The following ARMC9 variants were observed in gnomAD, a reference collection of about 807,000 sequenced individuals.
ARMC9 encodes armadillo repeat containing 9.
A neutral mutation model predicts 107.0 loss-of-function variants in ARMC9; 94 were observed. That is an observed-to-expected ratio of 0.88 (90% CI 0.74 to 1.04). ARMC9 has a LOEUF of 1.04. Ranked by LOEUF, ARMC9 falls within the 50% of genes least tolerant of loss-of-function variation. The pLI is 0.00. For synonymous variants in ARMC9, 380 were observed against 396.9 expected (o/e 0.96, Z 0.51); for missense variants, 942 against 1,030.1 (o/e 0.91, Z 1.17).
At chr2:231,206,364 A>G (rs1156987524) in intron 2 of ARMC9, 75 bp downstream of exon 2, 17 of 1,190,400 alleles carry the variant, frequency 1.4e-5, no homozygotes, top group Non-Finnish European at 2.1e-5. Context: ...GCAACAAACT[A>G]TTTAGTGCCT....
intron 7 of ARMC9, 114 bp downstream of exon 7, chr2:231,226,912 ATAT>A: frequency 7.9e-7 from 1 of 1,272,906 alleles, no homozygotes; most frequent in Non-Finnish European, 1.1e-6. Flanking sequence ...AAGAGTCTAA[ATAT>A]TTATGAAAGG....
intron 9 of ARMC9, among the ~76,000 whole-genome samples, chr2:231,245,670 A>G (rs1226832145): frequency 2.0e-5 from 3 of 152,178 alleles, no homozygotes; most frequent in African/African-American, 7.2e-5. Context: ...ACTTGTGTGT[A>G]TATTTTCTTT....
intron 9 of ARMC9, among the ~76,000 whole-genome samples, chr2:231,245,634 C>T (rs539115723): frequency 1.8e-3 from 275 of 152,328 alleles, no homozygotes; most frequent in Middle Eastern, 0.01. Flanking sequence ...CCTTCTAGAG[C>T]CTTGAAGTAT....
intron 12 of ARMC9, among the ~76,000 whole-genome samples, chr2:231,269,536 C>T (rs1449138128): frequency 6.6e-6 from 1 of 151,472 alleles, no homozygotes; most frequent in East Asian, 2.0e-4. Context: ...CAGGTGTGTG[C>T]CACCACGCCT....
intron 21 of ARMC9, among the ~76,000 whole-genome samples, chr2:231,354,263 T>TAAA (rs759691541): frequency 7.0e-5 from 7 of 100,440 alleles, no homozygotes; most frequent in African/African-American, 1.9e-4. Context: ...CATCTCCATT[T>TAAA]AAAAAAAAAA....
intron 19 of ARMC9, among the ~76,000 whole-genome samples, chr2:231,321,706 C>T (rs2043003226): frequency 6.6e-6 from 1 of 152,038 alleles, no homozygotes; most frequent in African/African-American, 2.4e-5. Flanking sequence ...TGAGCACACT[C>T]TTAGGATCCT....
intron 13 of ARMC9, 21 bp downstream of exon 13, chr2:231,271,093 C>T (rs754306767): frequency 6.2e-7 from 1 of 1,611,626 alleles, no homozygotes; most frequent in African/African-American, 1.3e-5. Context: ...AGCTTTGCTT[C>T]AAAGATAAGA....
intron 21 of ARMC9, among the ~76,000 whole-genome samples, chr2:231,346,389 C>T (rs1215214234): frequency 1.3e-5 from 2 of 152,052 alleles, no homozygotes; most frequent in Non-Finnish European, 2.9e-5. Context: ...AGCATGGTGG[C>T]GGGCACCTGT....
chr2:231,305,658 T>TC (rs1411292627), intron 19 of ARMC9, among the ~76,000 whole-genome samples: 1 of 152,202 alleles, frequency 6.6e-6, no homozygotes, highest in Non-Finnish European at 1.5e-5. Flanking sequence ...CGTGTGTGTT[T>TC]CTCTAGCGAA....
chr2:231,277,670 C>G (rs553000851), intron 15 of ARMC9, among the ~76,000 whole-genome samples: 1 of 150,802 alleles, frequency 6.6e-6, no homozygotes, highest in East Asian at 2.0e-4. Context: ...TCAAGCGATT[C>G]TCCTGCCTCA....
intron 3 of ARMC9, among the ~76,000 whole-genome samples, chr2:231,211,805 G>A (rs2032901866): frequency 1.3e-5 from 2 of 151,992 alleles, no homozygotes; most frequent in South Asian, 4.2e-4. Flanking sequence ...CATTTTGATG[G>A]GTTTGAAGTG....
chr2:231,209,216 TATAAAAA>T (rs1381891173), intron 3 of ARMC9, among the ~76,000 whole-genome samples: 2 of 152,022 alleles, frequency 1.3e-5, no homozygotes, highest in Non-Finnish European at 2.9e-5. Context: ...ACCTCGTTTC[TATAAAAA>T]ATAAAAAATT....
At chr2:231,244,854 G>A (rs896733112) in intron 9 of ARMC9, among the ~76,000 whole-genome samples, 1 of 152,276 alleles carries the variant, frequency 6.6e-6, no homozygotes. Context: ...TCTGCCCAAA[G>A]CAGAAGAGGA....
intron 8 of ARMC9, among the ~76,000 whole-genome samples, chr2:231,238,970 C>T (rs1365162338): frequency 6.6e-6 from 1 of 152,194 alleles, no homozygotes; most frequent in Non-Finnish European, 1.5e-5. Context: ...GATGGCCTTC[C>T]TCCCATGCAA....
chr2:231,241,198 CA>C (rs5839393), intron 9 of ARMC9, among the ~76,000 whole-genome samples: 28,247 of 116,034 alleles, frequency 0.24, 2,652 homozygotes, highest in Non-Finnish European at 0.26. Flanking sequence ...GACTTAGTCT[CA>C]AAAAAAAAAA....
intron 5 of ARMC9, among the ~76,000 whole-genome samples, chr2:231,218,246 T>A (rs1057382278): frequency 2.6e-5 from 4 of 152,168 alleles, no homozygotes; most frequent in Non-Finnish European, 5.9e-5. Flanking sequence ...TCATTCTAGA[T>A]TTAGTTTTAC....
In ARMC9 at chr2:231,360,082, C is replaced by T. The variant is rs1038688831; in HGVS notation, c.2132-672C>T. 1.3e-5 allele frequency among the ~76,000 whole-genome samples: 2 copies of T among 152,030 alleles called. No homozygotes were observed. The highest frequency in any genetic ancestry group is 4.8e-5 in the African/African-American group (2 of 41,384). ...GAGAGGCGGGGTGGGGGAAGGGGTGCGTGGCATCTGAGATGCAGGAACATC... is the reference window on the plus strand; with the variant it reads ...GAGAGGCGGGGTGGGGGAAGGGGTGTGTGGCATCTGAGATGCAGGAACATC... On this transcript the variant is annotated intron_variant, in intron 22 of 24. Transcript: ENST00000611582. The surrounding 1 kb of genome is among the most constrained non-coding windows in gnomAD (Gnocchi z 4.7).
chr2:231,215,132 T>C (rs1228640331), intron 4 of ARMC9, 131 bp downstream of exon 4: 2 of 979,286 alleles, frequency 2.0e-6, no homozygotes, highest in South Asian at 1.8e-5. Flanking sequence ...ACAGGCATCC[T>C]CTCTCCTGGT....
Position 231,344,914 on chromosome 2 carries a change from C to T in ARMC9, c.1879-61C>T, listed in dbSNP as rs1042010496. On this transcript the variant is annotated intron_variant, in intron 20 of 24. Coordinates refer to ENST00000611582, the MANE Select transcript of ARMC9 (RefSeq NM_001352754.2). ...AGTTTATTCAGTGTATTCTGCTTGA[C>T]TTCTAGGTCAGCTCTCTAATAGATA... 6 of 1,547,148 alleles carry T rather than the reference C, an allele frequency of 3.9e-6. No homozygotes were observed. In the African/African-American group the frequency reaches 6.8e-5, roughly 18 times the overall value.
Sources: gnomAD v4.1 joint callset for allele counts (sites outside exome capture counted in the v4.1 genomes callset) on GRCh38, gnomAD v4.1.1 for gene constraint, Gnocchi (gnomAD v3.1) non-coding constraint, MANE v1.5 for transcripts, NCBI Gene and HGNC (gene_info 2026-07-23, HGNC 2026-07-21) for gene names.